Variants in NCKAP5L observed in about 807,000 individuals in gnomAD.
The protein encoded by NCKAP5L is NCK associated protein 5 like.
In NCKAP5L, 54 loss-of-function variants were observed where a neutral mutation model predicts 103.2. That is an observed-to-expected ratio of 0.52 (90% CI 0.42 to 0.66). NCKAP5L has a LOEUF of 0.66. Among genes scored for constraint, NCKAP5L ranks in the 30% least tolerant of loss-of-function variants. The pLI is 0.00. For missense variants in NCKAP5L, 1,733 were observed against 1,750.6 expected, an observed-to-expected ratio of 0.99 and a Z score of 0.18; for synonymous variants, 762 against 748.6, an observed-to-expected ratio of 1.02 and a Z score of -0.29.
chr12:49,797,228 G>A lies in NCKAP5L; in HGVS notation c.632C>T (p.Pro211Leu). The change falls in exon 8 of 13, where the codon CCC becomes CTC. Residue 211 changes from proline (P) to leucine (L), a missense_variant. Transcript: ENST00000335999. This position sits in a 1 kb window ranked among gnomAD's most constrained non-coding sequence, Gnocchi z 4.5. ...DPLLLCSPAT[P>L]WRPPGQGPGS... is the part of the protein sequence containing the mutation. ...AGGCCCCTGGCCTGGAGGCCGCCAG[G>A]GGGTGGCAGGTGAGCAGAGAAGCAA... 3 of 1,613,456 alleles carry A rather than the reference G, an allele frequency of 1.9e-6. No homozygotes were observed. The highest frequency in any genetic ancestry group is 1.7e-5 in the Admixed American group (1 of 60,014).
Position 49,795,153 on chromosome 12 carries a change from G to A in NCKAP5L, c.2707C>T (p.Arg903Ter). Reference protein sequence around the residue: ...ENVLRLQGQERAPGAEVKHRN... With the variant: ...ENVLRLQGQE ...TGCTTGACCTCGGCGCCAGGGGCTCGCTCCTGGCCCTGGAGCCGCAGCACG... is the reference window on the plus strand; with the variant it reads ...TGCTTGACCTCGGCGCCAGGGGCTCACTCCTGGCCCTGGAGCCGCAGCACG... Residue 903 changes from arginine to a stop codon, truncating the protein, a stop_gained, in exon 8 of 13, where the codon CGA becomes TGA. Transcript: ENST00000335999. LOFTEE classifies it high-confidence loss of function. 1 of 1,608,296 alleles carries A rather than the reference G, an allele frequency of 6.2e-7. No homozygotes were observed. Among genetic ancestry groups the A allele is most frequent in the Non-Finnish European group, 8.5e-7 (1 of 1,178,340 alleles).
At chr12:49,826,358 T>A (rs1242732378) in intron 1 of NCKAP5L, among the ~76,000 whole-genome samples, 1 of 151,992 alleles carries the variant, frequency 6.6e-6, no homozygotes, top group East Asian at 1.9e-4. Context: ...CCAGGATGTC[T>A]CACCACAGGC....
rs1946174810 is a variant in NCKAP5L, at chr12:49,805,975, C to T, written c.-37+5G>A. ...CCAGCATGCACAGGCCCCAAAGCCC[C>T]TCACCTGTCTCTGCCCCCTTACGCA... On this transcript the variant is annotated splice_donor_5th_base_variant and intron_variant, in intron 2 of 12. Transcript: ENST00000335999. 6.6e-6 allele frequency: 1 copy of T among 152,224 alleles called. No homozygotes were observed. Among genetic ancestry groups the T allele is most frequent in the Admixed American group, 6.5e-5 (1 of 15,274 alleles). 9.4% of individuals were successfully genotyped at this position (152,224 alleles called of 1,614,324 possible). A position where few individuals can be genotyped will look rare whatever the true frequency, so the allele number is the denominator to read the frequency against.
At position 49,794,937 on chromosome 12, in the gene NCKAP5L, C is replaced by G. The variant is rs1184626717; in HGVS notation, c.2923G>C (p.Ala975Pro). 1 of 1,572,342 alleles carries G rather than the reference C, an allele frequency of 6.4e-7. No individual in the cohort carries two copies. Among genetic ancestry groups the G allele is most frequent in the Non-Finnish European group, 8.6e-7 (1 of 1,160,198 alleles). Residue 975 changes from alanine (A) to proline (P), a missense_variant, in exon 8 of 13, where the codon GCG becomes CCG. By Grantham distance (27) the Ala-to-Pro change is conservative. Transcript: ENST00000335999. The part of the protein sequence containing the change: ...SLNISKLMAK[A>P]EDLRRALEEE... Reference sequence around the variant, plus strand: ...TCCAGTGCCCGACGCAGGTCTTCCGCCTTGGCCATCAGCTTGGAGATGTTG... The same window carrying G: ...TCCAGTGCCCGACGCAGGTCTTCCGGCTTGGCCATCAGCTTGGAGATGTTG...
rs1485058176 is a variant in NCKAP5L at position 49,793,772 on chromosome 12, C to A, written c.3220G>T (p.Val1074Leu). Reference sequence around the variant, plus strand: ...TTTCCGCAGCCCTGAAGAGGGCCCACCAGGCCATTCCGGGGCCCACAGGCT... The same window carrying A: ...TTTCCGCAGCCCTGAAGAGGGCCCAACAGGCCATTCCGGGGCCCACAGGCT... ...WPACGPRNGLVGPLQGCGKPP... is the reference protein window; with the variant it reads ...WPACGPRNGLLGPLQGCGKPP... Residue 1074 changes from valine to leucine, a missense_variant, in exon 9 of 13, where the codon GTG (valine) becomes TTG (leucine). By Grantham distance (32) the Val-to-Leu change is conservative (BLOSUM62 1). Transcript: ENST00000335999. The A allele has an allele frequency of 6.2e-7, 1 of 1,602,184 alleles. No individual in the cohort carries two copies. The highest frequency in any genetic ancestry group is 1.1e-5 in the South Asian group (1 of 89,126).
intron 1 of NCKAP5L, among the ~76,000 whole-genome samples, chr12:49,815,360 T>A (rs1440442681): frequency 2.6e-5 from 4 of 152,362 alleles, no homozygotes; most frequent in Middle Eastern, 6.8e-3. Flanking sequence ...TGTCCCTTCA[T>A]CCCATTTAAT....
chr12:49,826,728 G>A (rs1265624236), intron 1 of NCKAP5L, among the ~76,000 whole-genome samples: 1 of 152,184 alleles, frequency 6.6e-6, no homozygotes, highest in Admixed American at 6.5e-5. Flanking sequence ...AGCAAGCTAG[G>A]AAAAGTAGGG....
chr12:49,808,377 G>A (rs1420479878), intron 1 of NCKAP5L, among the ~76,000 whole-genome samples: 1 of 152,192 alleles, frequency 6.6e-6, no homozygotes, highest in Admixed American at 6.5e-5. Context: ...AGGATGAGGG[G>A]GCCTCCTCTG....
rs780026823 is a variant in NCKAP5L at position 49,792,387 on chromosome 12, C to T, written c.3792+59G>A. The T allele has an allele frequency of 1.3e-6, 2 of 1,597,274 alleles. No homozygotes were observed. The highest frequency in any genetic ancestry group is 1.7e-6 in the Non-Finnish European group (2 of 1,172,164). ...CGTACCTTACTGGAGAAACTGGTCT[C>T]CCCACATCACTCCCTCCTGCTCCCG... is the stretch of plus-strand genomic sequence containing the variant. On this transcript the variant is annotated intron_variant, in intron 12 of 12. Coordinates refer to ENST00000335999, the MANE Select transcript of NCKAP5L (RefSeq NM_001037806.4). The surrounding 1 kb of genome is among the most constrained non-coding windows in gnomAD (Gnocchi z 4.5).
intron 3 of NCKAP5L, 35 bp from the exon 4 acceptor site, chr12:49,803,200 G>A (rs774131286): frequency 1.2e-6 from 2 of 1,609,390 alleles, no homozygotes; most frequent in Admixed American, 1.7e-5. Flanking sequence ...GCAAAAAGGT[G>A]GCTTTGGGGA....
chr12:49,820,094 T>C (rs998001162), intron 1 of NCKAP5L, among the ~76,000 whole-genome samples: 3 of 152,326 alleles, frequency 2.0e-5, no homozygotes, highest in East Asian at 3.9e-4. Context: ...TTCAATATCC[T>C]GGGCATAACC....
chr12:49,791,712 CCTT>C lies in NCKAP5L; in HGVS notation c.*124_*126del, dbSNP rs1232110272. The C allele has an allele frequency of 7.6e-6, 6 of 785,954 alleles. No individual in the cohort carries two copies. Among genetic ancestry groups the C allele is most frequent in the South Asian group, 2.0e-5 (1 of 49,752 alleles). 48.7% of individuals were successfully genotyped at this position (785,954 alleles called of 1,614,324 possible). ...GGGTGTGCCAGGGACCCCCTTTTCA[CCTT>C]CTTATCCACCTGCCTCCTTGGTCCC... On this transcript the variant is annotated 3_prime_UTR_variant, in exon 13 of 13. Coordinates refer to ENST00000335999, the MANE Select transcript of NCKAP5L (RefSeq NM_001037806.4).
At chr12:49,793,486 TCC>T in intron 9 of NCKAP5L, 53 bp from the exon 10 acceptor site, 1 of 1,552,318 alleles carries the variant, frequency 6.4e-7, no homozygotes, top group East Asian at 2.2e-5. Flanking sequence ...TCCACACCCC[TCC>T]CCATGCCTCT....
intron 9 of NCKAP5L, 113 bp downstream of exon 9, chr12:49,793,619 CTG>C (rs979836383): frequency 7.3e-6 from 10 of 1,367,264 alleles, no homozygotes; most frequent in Admixed American, 2.7e-5. Context: ...CCCGTAGAGA[CTG>C]TGAGTGCATC....
intron 1 of NCKAP5L, among the ~76,000 whole-genome samples, chr12:49,827,220 T>C (rs60632642): frequency 0.019 from 2,899 of 152,194 alleles, 99 homozygotes; most frequent in African/African-American, 0.064. Flanking sequence ...AGGCCACCCC[T>C]GCCCGGGCCA....
intron 1 of NCKAP5L, among the ~76,000 whole-genome samples, chr12:49,807,376 C>T (rs1433459715): frequency 1.3e-5 from 2 of 152,112 alleles, no homozygotes; most frequent in African/African-American, 4.8e-5. Context: ...TCTCACCTCA[C>T]TGCCCAGGCT....
chr12:49,795,050 G>A lies in NCKAP5L; in HGVS notation c.2810C>T (p.Ala937Val). The A allele has an allele frequency of 6.2e-7, 1 of 1,610,446 alleles. No individual in the cohort carries two copies. The highest frequency in any genetic ancestry group is 8.5e-7 in the Non-Finnish European group (1 of 1,178,574). ...KLPALNRRTE[A>V]TKNKEGAGGG... is the part of the protein sequence containing the mutation. ...GCCAGCCCCCTCCTTGTTCTTGGTG[G>A]CCTCTGTGCGGCGGTTCAGCGCTGG... Residue 937 changes from alanine to valine, a missense_variant, in exon 8 of 13, where the codon GCC becomes GTC. Physicochemically the swap from Ala to Val is moderately conservative, Grantham distance 64 (BLOSUM62 0). Transcript: ENST00000335999.
Position 49,801,973 on chromosome 12 carries a change from G to T in NCKAP5L, c.232-6C>A. 2.5e-6 allele frequency: 4 copies of T among 1,613,428 alleles called. No homozygotes were observed. Among genetic ancestry groups the T allele is most frequent in the South Asian group, 2.2e-5 (2 of 91,058 alleles). ...ATGCACTCCTCTCGCAGGTCCTGCC[G>T]CCCACCCCGGGAAGTGCAGGAAGAA... On this transcript the variant is annotated splice_region_variant and splice_polypyrimidine_tract_variant and intron_variant, in intron 5 of 12. Coordinates refer to ENST00000335999, the MANE Select transcript of NCKAP5L (RefSeq NM_001037806.4).
chr12:49,805,484 T>C (rs1048553839), intron 2 of NCKAP5L: 4 of 152,240 alleles, frequency 2.6e-5, no homozygotes, highest in African/African-American at 9.6e-5. Flanking sequence ...ACAAATATTG[T>C]GGAGGTTTCC....
Sources: gnomAD v4.1 joint callset for allele counts (sites outside exome capture counted in the v4.1 genomes callset) on GRCh38, gnomAD v4.1.1 for gene constraint, Gnocchi (gnomAD v3.1) non-coding constraint, MANE v1.5 for transcripts, NCBI Gene and HGNC (gene_info 2026-07-23, HGNC 2026-07-21) for gene names.